Variants in SEC23A observed in about 807,000 individuals in gnomAD.
The protein encoded by SEC23A is SEC23 homolog A, COPII component, also known as protein transport protein Sec23A.
A neutral mutation model predicts 103.7 loss-of-function variants in SEC23A; 56 were observed. That is an observed-to-expected ratio of 0.54 (90% CI 0.44 to 0.67). The LOEUF is 0.67. SEC23A is among the 30% of genes least tolerant of loss of function. SEC23A has a pLI of 0.00. For missense variants in SEC23A, 784 were observed against 936.4 expected (o/e 0.84, Z 2.12); for synonymous variants, 281 against 293.0 (o/e 0.96, Z 0.42).
At position 39,040,797 on chromosome 14, in the gene SEC23A, G is replaced by A. The variant is rs766440390; in HGVS notation, c.2077C>T (p.Gln693Ter). The A allele has an allele frequency of 1.2e-6, 2 of 1,614,166 alleles. No individual in the cohort carries two copies. The highest frequency in any genetic ancestry group is 1.1e-5 in the South Asian group (1 of 91,088). The change falls in exon 18 of 20, where the codon CAG (glutamine) becomes TAG (stop). Residue 693 changes from glutamine (Q) to a stop codon, truncating the protein, a stop_gained. Coordinates refer to ENST00000307712, the MANE Select transcript of SEC23A (RefSeq NM_006364.4). LOFTEE classifies it high-confidence loss of function. ...GGAAATCTGGAGTGAAGAATTTCCTGTGCATCATCCACTGGGGCTTGCAGA... is the reference window on the plus strand; with the variant it reads ...GGAAATCTGGAGTGAAGAATTTCCTATGCATCATCCACTGGGGCTTGCAGA... ...HLLQAPVDDAQEILHSRFPMP... is the reference protein window; with the variant it reads ...HLLQAPVDDA
At chr14:39,035,024 C>T (rs1357227504) in intron 19 of SEC23A, among the ~76,000 whole-genome samples, 1 of 152,102 alleles carries the variant, frequency 6.6e-6, no homozygotes, top group Non-Finnish European at 1.5e-5. Flanking sequence ...TAAATGCAAT[C>T]ATCAAATTAA....
chr14:39,048,600 TA>T (rs1566484828), intron 15 of SEC23A, 51 bp downstream of exon 15: 3 of 1,211,994 alleles, frequency 2.5e-6, no homozygotes, highest in African/African-American at 1.5e-5. Flanking sequence ...AGCCTGTCTC[TA>T]AAAAAGGAAA....
intron 14 of SEC23A, among the ~76,000 whole-genome samples, chr14:39,053,529 A>ATTT (rs1886140885): frequency 6.8e-6 from 1 of 146,000 alleles, no homozygotes; most frequent in African/African-American, 2.5e-5. Context: ...TTTTTTTTTA[A>ATTT]AAAAAAGGTA....
At chr14:39,093,348 T>C (rs1303141604) in intron 2 of SEC23A, 104 bp from the exon 3 acceptor site, 6 of 893,072 alleles carry the variant, frequency 6.7e-6, no homozygotes, top group South Asian at 1.5e-5. Context: ...CATGAACATA[T>C]TCAAATTGAT....
At chr14:39,082,931 T>A (rs958682723) in intron 7 of SEC23A, among the ~76,000 whole-genome samples, 1 of 152,206 alleles carries the variant, frequency 6.6e-6, no homozygotes, top group Non-Finnish European at 1.5e-5. Flanking sequence ...TAAATAGATA[T>A]AGCCATAAAT....
chr14:39,042,509 T>G (rs533075090), intron 17 of SEC23A, among the ~76,000 whole-genome samples: 9 of 152,228 alleles, frequency 5.9e-5, no homozygotes, highest in Non-Finnish European at 1.3e-4. Flanking sequence ...AACCCAAAAG[T>G]GCCATTTGTC....
intron 1 of SEC23A, among the ~76,000 whole-genome samples, chr14:39,100,008 G>A (rs755516840): frequency 3.3e-5 from 5 of 152,048 alleles, no homozygotes; most frequent in Non-Finnish European, 7.4e-5. Context: ...ACAATAGCCA[G>A]GTTTAACTTT....
At chr14:39,045,041 G>A in intron 16 of SEC23A, 122 bp downstream of exon 16, 1 of 819,186 alleles carries the variant, frequency 1.2e-6, no homozygotes, top group Non-Finnish European at 2.0e-6. Context: ...AGGTTGAGAT[G>A]TCCATTCTTT....
At chr14:39,059,923 T>C (rs932677416) in intron 13 of SEC23A, among the ~76,000 whole-genome samples, 2 of 152,162 alleles carry the variant, frequency 1.3e-5, no homozygotes. Flanking sequence ...TTGGCATTAG[T>C]GGTAATGTTT....
chr14:39,045,451 T>A (rs1245632190), intron 15 of SEC23A, 127 bp from the exon 16 acceptor site: 2 of 611,130 alleles, frequency 3.3e-6, no homozygotes, highest in Non-Finnish European at 5.4e-6. Context: ...AAGAATGTTC[T>A]AATTTATATC....
chr14:39,045,842 C>G (rs1056697028), intron 15 of SEC23A, among the ~76,000 whole-genome samples: 9 of 152,298 alleles, frequency 5.9e-5, no homozygotes, highest in African/African-American at 1.7e-4. Context: ...ACCAAAGATT[C>G]TAAGAACATA....
intron 10 of SEC23A, among the ~76,000 whole-genome samples, chr14:39,065,494 T>C (rs1886627729): frequency 6.6e-6 from 1 of 152,166 alleles, no homozygotes; most frequent in Admixed American, 6.5e-5. Flanking sequence ...GTCAGATGAA[T>C]CTTACCCAAA....
intron 12 of SEC23A, among the ~76,000 whole-genome samples, 161 bp from the exon 13 acceptor site, chr14:39,062,032 AAG>A (rs1436759834): frequency 6.6e-6 from 1 of 152,224 alleles, no homozygotes; most frequent in Non-Finnish European, 1.5e-5. Context: ...TGTTACACAG[AAG>A]AGGAGAAATT....
intron 6 of SEC23A, 96 bp downstream of exon 6, chr14:39,086,833 T>A (rs1887460555): frequency 1.4e-6 from 1 of 738,030 alleles, no homozygotes; most frequent in East Asian, 2.6e-5. Context: ...CTAAAAATAT[T>A]TAACAATATA....
At chr14:39,089,341 C>CT (rs2139283369) in intron 5 of SEC23A, among the ~76,000 whole-genome samples, 1 of 152,194 alleles carries the variant, frequency 6.6e-6, no homozygotes, top group Admixed American at 6.5e-5. Context: ...ATTCTCATGA[C>CT]TACACTATAA....
Position 39,065,997 on chromosome 14 carries a change from C to CAAAAAA in SEC23A, c.1228-1010_1228-1005dup, listed in dbSNP as rs59260008. Among the ~76,000 whole-genome samples the CAAAAAA allele has an allele frequency of 5.6e-4, 45 of 80,556 alleles. 2 individuals carry two copies. The highest frequency in any genetic ancestry group is 8.4e-4 in the African/African-American group (16 of 19,126). 52.8% of individuals were successfully genotyped at this position (80,556 alleles called of 152,430 possible). ...GGGCAATAAGAGCGAAACTCCATCTCAAAAAAAAAAAAAAAAAAAAAAAAA... is the reference window on the plus strand; with the variant it reads ...GGGCAATAAGAGCGAAACTCCATCTCAAAAAAAAAAAAAAAAAAAAAAAAAAAAAAA... On this transcript the variant is annotated intron_variant, in intron 10 of 19. Transcript: ENST00000307712.
chr14:39,064,720 C>A, intron 11 of SEC23A, 193 bp downstream of exon 11: 1 of 592,460 alleles, frequency 1.7e-6, no homozygotes, highest in Non-Finnish European at 3.0e-6. Flanking sequence ...CTGTCCTGTG[C>A]GTTCGCTGTG....
intron 14 of SEC23A, among the ~76,000 whole-genome samples, chr14:39,049,958 C>CG (rs1477032053): frequency 2.6e-5 from 4 of 151,870 alleles, no homozygotes; most frequent in African/African-American, 9.7e-5. Flanking sequence ...TTATTAGAGA[C>CG]GGGGTTTCAC....
intron 1 of SEC23A, among the ~76,000 whole-genome samples, chr14:39,097,851 G>C (rs1887940260): frequency 6.6e-6 from 1 of 152,154 alleles, no homozygotes. Flanking sequence ...TTGGGAGGCT[G>C]AGGCAGGTGG....
Sources: allele counts gnomAD v4.1 joint callset (sites outside exome capture counted in the v4.1 genomes callset), GRCh38; gene constraint gnomAD v4.1.1; transcripts MANE v1.5; gene names NCBI Gene and HGNC (gene_info 2026-07-23, HGNC 2026-07-21).